The following SALL3 variants were observed in gnomAD, a reference collection of about 807,000 sequenced individuals.
SALL3 encodes spalt like transcription factor 3.
A neutral mutation model predicts 66.2 loss-of-function variants in SALL3; 25 were observed. The ratio of observed to expected loss-of-function variants is 0.38; its 90% confidence interval spans 0.28 to 0.53. The LOEUF is 0.53. Ranked by LOEUF, SALL3 falls within the 20% of genes least tolerant of loss-of-function variation. The probability of loss-of-function intolerance (pLI) is 0.85; values close to 1 mark genes in which losing one functional copy is unlikely to be tolerated. For synonymous variants in SALL3, 1,152 were observed against 899.1 expected, an observed-to-expected ratio of 1.28 and a Z score of -5.03; for missense variants, 2,194 against 1,916.5, an observed-to-expected ratio of 1.14 and a Z score of -2.70.
intron 1 of SALL3, among the ~76,000 whole-genome samples, chr18:78,985,515 A>G (rs1599173551): frequency 6.6e-6 from 1 of 152,166 alleles, no homozygotes; most frequent in Admixed American, 6.5e-5. Context: ...ACTGGCTTCA[A>G]CGACCCAGGG....
At chr18:78,995,840 C>T (rs1914677320) in intron 2 of SALL3, among the ~76,000 whole-genome samples, 1 of 152,080 alleles carries the variant, frequency 6.6e-6, no homozygotes, top group African/African-American at 2.4e-5. Flanking sequence ...CACACTGAGA[C>T]TACATCCTGT....
chr18:78,993,858 T>C lies in SALL3; in HGVS notation c.1867T>C (p.Ser623Pro), dbSNP rs767724791. The C allele has an allele frequency of 8.3e-6, 13 of 1,562,790 alleles. No individual in the cohort carries two copies. In the South Asian group the frequency reaches 1.4e-4, roughly 17 times the overall value. The part of the protein sequence containing the change: ...VGAQASAAPT[S>P]VDGAPTSLGS... ...CGCGCAGGCTAGCGCTGCACCCACA[T>C]CGGTGGACGGCGCACCCACGAGCCT... is the stretch of plus-strand genomic sequence containing the variant. Residue 623 changes from serine (S) to proline (P), a missense_variant, in exon 2 of 3, where the codon TCG (serine) becomes CCG (proline). Coordinates refer to ENST00000537592, the MANE Select transcript of SALL3 (RefSeq NM_171999.4).
At chr18:78,990,080 G>T (rs931708182) in intron 1 of SALL3, among the ~76,000 whole-genome samples, 2 of 152,018 alleles carry the variant, frequency 1.3e-5, no homozygotes, top group South Asian at 2.1e-4. Context: ...TTTGTTCTTT[G>T]CCCTATTCCA....
chr18:78,992,920 C>G lies in SALL3; in HGVS notation c.929C>G (p.Ala310Gly). Residue 310 changes from alanine (A) to glycine (G), a missense_variant, in exon 2 of 3, where the codon GCG becomes GGG. Transcript: ENST00000537592. ...CCCGGCGGCCCTGCGGAGCCCAGCG[C>G]GCCCGCCGCCCCCAGCGCCGCCCCT... ...STPGGPAEPS[A>G]PAAPSAAPAP... is the part of the protein sequence containing the mutation. The G allele has an allele frequency of 2.0e-6, 2 of 993,070 alleles. No homozygotes were observed. Among genetic ancestry groups the G allele is most frequent in the Non-Finnish European group, 2.4e-6 (2 of 836,698 alleles). 61.5% of individuals were successfully genotyped at this position (993,070 alleles called of 1,614,324 possible).
rs1031648689 is a variant in SALL3 at position 78,997,974 on chromosome 18, A to G, written c.*652A>G. On this transcript the variant is annotated 3_prime_UTR_variant, in exon 3 of 3. Transcript: ENST00000537592. ...AAATTGTGAAGTTCTGTTGGGAAAGATAGCATGCTTTTCGTGTGCAAGTAC... is the reference window on the plus strand; with the variant it reads ...AAATTGTGAAGTTCTGTTGGGAAAGGTAGCATGCTTTTCGTGTGCAAGTAC... 6.6e-6 allele frequency: 1 copy of G among 151,980 alleles called. No individual in the cohort carries two copies. The highest frequency in any genetic ancestry group is 1.5e-5 in the Non-Finnish European group (1 of 67,964). The allele number at this position is 151,980 out of a possible 1,614,324, so 9.4% of individuals were successfully genotyped here.
At chr18:78,995,499 CG>C in intron 2 of SALL3, 37 bp downstream of exon 2, 1 of 1,492,714 alleles carries the variant, frequency 6.7e-7, no homozygotes, top group Non-Finnish European at 8.8e-7. Flanking sequence ...GGCTGCGGTG[CG>C]GCCGAGCCAC....
Position 78,997,419 on chromosome 18 carries a change from C to T in SALL3, c.*97C>T. ...TGCCTCGGTTCTCATTACACTTTCACCCATAGCAGAAAACACTTTGTGCGG... is the reference window on the plus strand; with the variant it reads ...TGCCTCGGTTCTCATTACACTTTCATCCATAGCAGAAAACACTTTGTGCGG... On this transcript the variant is annotated 3_prime_UTR_variant, in exon 3 of 3. Coordinates refer to ENST00000537592, the MANE Select transcript of SALL3 (RefSeq NM_171999.4). The T allele has an allele frequency of 7.9e-7, 1 of 1,268,108 alleles. No individual in the cohort carries two copies. The allele number at this position is 1,268,108 out of a possible 1,614,324, so 78.6% of individuals were successfully genotyped here. A position where few individuals can be genotyped will look rare whatever the true frequency, so the allele number is the denominator to read the frequency against.
At position 78,980,316 on chromosome 18, in the gene SALL3, G is replaced by A; in HGVS notation, c.42G>A (p.Ser14=). The part of the protein sequence containing the change: ...RKQAKPQHLK[S]DEELLPPDGA... ...AGGCCAAGCCCCAGCACCTCAAGTC[G>A]GACGAGGAGCTGCTGCCGCCTGACG... The change falls in exon 1 of 3, where the codon TCG becomes TCA. Residue 14 remains serine, a synonymous_variant. Coordinates refer to ENST00000537592, the MANE Select transcript of SALL3 (RefSeq NM_171999.4). The A allele has an allele frequency of 1.4e-6, 2 of 1,437,750 alleles. No homozygotes were observed. Among genetic ancestry groups the A allele is most frequent in the Non-Finnish European group, 1.8e-6 (2 of 1,089,402 alleles). The allele number at this position is 1,437,750 out of a possible 1,614,324, so 89.1% of individuals were successfully genotyped here. A position where few individuals can be genotyped will look rare whatever the true frequency, so the allele number is the denominator to read the frequency against.
At chr18:78,981,680 A>T (rs1479785614) in intron 1 of SALL3, among the ~76,000 whole-genome samples, 1 of 152,226 alleles carries the variant, frequency 6.6e-6, no homozygotes, top group Non-Finnish European at 1.5e-5. Flanking sequence ...CAAGTCAGCC[A>T]AGATGAGAAC....
In SALL3 at chr18:78,997,436, T is replaced by C; in HGVS notation, c.*114T>C. The C allele has an allele frequency of 9.3e-7, 1 of 1,077,992 alleles. No individual in the cohort carries two copies. The highest frequency in any genetic ancestry group is 1.4e-6 in the Non-Finnish European group (1 of 738,916). 66.8% of individuals were successfully genotyped at this position (1,077,992 alleles called of 1,614,324 possible). A position where few individuals can be genotyped will look rare whatever the true frequency, so the allele number is the denominator to read the frequency against. ...CACTTTCACCCATAGCAGAAAACAC[T>C]TTGTGCGGCTGCCGAGAGGTGGTCT... On this transcript the variant is annotated 3_prime_UTR_variant, in exon 3 of 3. Coordinates refer to ENST00000537592, the MANE Select transcript of SALL3 (RefSeq NM_171999.4).
At chr18:78,984,597 A>G (rs1325577838) in intron 1 of SALL3, among the ~76,000 whole-genome samples, 1 of 152,024 alleles carries the variant, frequency 6.6e-6, no homozygotes, top group East Asian at 1.9e-4. Context: ...AAAATTGAGC[A>G]ATTTAATGTT....
In SALL3 at chr18:78,993,498, C is replaced by T. The variant is rs200189990; in HGVS notation, c.1507C>T (p.Leu503=). The T allele has an allele frequency of 1.7e-4, 281 of 1,607,036 alleles. No individual in the cohort carries two copies. Among genetic ancestry groups the T allele is most frequent in the Non-Finnish European group, 2.3e-4 (268 of 1,177,772 alleles). The stretch of plus-strand genomic sequence containing the variant: ...CTCGGGCATCCCCTACGGCATGTCG[C>T]TGCCCCCCGAGAAGCCCGTGACCAC... ...TCSGIPYGMS[L]PPEKPVTTWL... The change falls in exon 2 of 3, where the codon CTG becomes TTG. Residue 503 remains leucine, a synonymous_variant. Transcript: ENST00000537592.
At position 78,992,411 on chromosome 18, in the gene SALL3, G is replaced by T; in HGVS notation, c.420G>T (p.Gly140=). Residue 140 remains glycine (G), a synonymous_variant, in exon 2 of 3, where the codon GGG becomes GGT. Transcript: ENST00000537592. ...EAEPMDAEPA[G]DTRAPRPPPA... ...AGCCCATGGACGCGGAACCCGCGGGGGACACGCGCGCGCCCCGGCCCCCGC... is the reference window on the plus strand; with the variant it reads ...AGCCCATGGACGCGGAACCCGCGGGTGACACGCGCGCGCCCCGGCCCCCGC... The T allele has an allele frequency of 7.5e-7, 1 of 1,329,968 alleles. No homozygotes were observed. The highest frequency in any genetic ancestry group is 9.5e-7 in the Non-Finnish European group (1 of 1,048,020). The allele number at this position is 1,329,968 out of a possible 1,614,324, so 82.4% of individuals were successfully genotyped here. A position where few individuals can be genotyped will look rare whatever the true frequency, so the allele number is the denominator to read the frequency against.
chr18:78,986,924 A>C lies in SALL3; in HGVS notation c.83-5150A>C, dbSNP rs73500114. 6.3e-3 allele frequency among the ~76,000 whole-genome samples: 964 copies of C among 152,332 alleles called. 10 individuals are homozygous for C. Among genetic ancestry groups the C allele is most frequent in the African/African-American group, 0.022 (915 of 41,572 alleles). On this transcript the variant is annotated intron_variant, in intron 1 of 2. Transcript: ENST00000537592. Reference sequence around the variant, plus strand: ...TTGAAATGCCAAGAACTGTAGCTTGAAATTTTTGAAGAAAGCATCGTCTTA... The same window carrying C: ...TTGAAATGCCAAGAACTGTAGCTTGCAATTTTTGAAGAAAGCATCGTCTTA...
chr18:78,995,012 C>A lies in SALL3; in HGVS notation c.3021C>A (p.Cys1007Ter), dbSNP rs1341963590. ...ATACTAAGGAGCGGCCATTCGTCTG[C>A]GCGCTCTGCAGGCGAGGGTGCTCCA... ...RSHTKERPFV[C>*]ALCRRGCSTM... The change falls in exon 2 of 3, where the codon TGC becomes TGA. Residue 1007 changes from cysteine to a stop codon, truncating the protein, a stop_gained. Coordinates refer to ENST00000537592, the MANE Select transcript of SALL3 (RefSeq NM_171999.4). LOFTEE classifies it high-confidence loss of function. 1 of 1,613,768 alleles carries A rather than the reference C, an allele frequency of 6.2e-7. No individual in the cohort carries two copies. Among genetic ancestry groups the A allele is most frequent in the African/African-American group, 1.3e-5 (1 of 74,950 alleles).
In SALL3 at chr18:78,997,560, G is replaced by T. The variant is rs1914743153; in HGVS notation, c.*238G>T. 3.8e-6 allele frequency: 2 copies of T among 532,554 alleles called. No individual in the cohort carries two copies. The highest frequency in any genetic ancestry group is 6.6e-6 in the Non-Finnish European group (2 of 303,534). The allele number at this position is 532,554 out of a possible 1,614,324, so 33.0% of individuals were successfully genotyped here. A position where few individuals can be genotyped will look rare whatever the true frequency, so the allele number is the denominator to read the frequency against. ...GCTTCCTTCAAAAAAAAAAGTGCTT[G>T]GAAAACCGCCTTAGGAACAGAAAGA... On this transcript the variant is annotated 3_prime_UTR_variant, in exon 3 of 3. Transcript: ENST00000537592.
At position 78,997,346 on chromosome 18, in the gene SALL3, G is replaced by T; in HGVS notation, c.*24G>T. On this transcript the variant is annotated 3_prime_UTR_variant, in exon 3 of 3. Coordinates refer to ENST00000537592, the MANE Select transcript of SALL3 (RefSeq NM_171999.4). ...AGCCAGTGACTCGCTCATCTGCCCT[G>T]CCCAGGCCCACGTTTTGAAGTTGGA... The T allele has an allele frequency of 6.3e-7, 1 of 1,594,590 alleles. No homozygotes were observed. Among genetic ancestry groups the T allele is most frequent in the Non-Finnish European group, 8.6e-7 (1 of 1,166,998 alleles).
rs1401176611 is a variant in SALL3, at chr18:78,992,937, G to A, written c.946G>A (p.Ala316Thr). ...AEPSAPAAPS[A>T]APAPAAPAPA... ...GCCCAGCGCGCCCGCCGCCCCCAGC[G>A]CCGCCCCTGCCCCCGCTGCCCCCGC... The change falls in exon 2 of 3, where the codon GCC (alanine) becomes ACC (threonine). Residue 316 changes from alanine to threonine, a missense_variant. Transcript: ENST00000537592. 2.9e-6 allele frequency: 3 copies of A among 1,045,096 alleles called. No individual in the cohort carries two copies. In the African/African-American group the frequency reaches 5.2e-5, roughly 18 times the overall value. 64.7% of individuals were successfully genotyped at this position (1,045,096 alleles called of 1,614,324 possible). A position where few individuals can be genotyped will look rare whatever the true frequency, so the allele number is the denominator to read the frequency against.
chr18:78,991,223 A>C (rs1456242914), intron 1 of SALL3, among the ~76,000 whole-genome samples: 1 of 152,220 alleles, frequency 6.6e-6, no homozygotes, highest in Non-Finnish European at 1.5e-5. Flanking sequence ...CTATTGGCTA[A>C]TAACAGTAAC....
Sources: gnomAD v4.1 joint callset for allele counts (sites outside exome capture counted in the v4.1 genomes callset) on GRCh38, gnomAD v4.1.1 for gene constraint, MANE v1.5 for transcripts, NCBI Gene and HGNC (gene_info 2026-07-23, HGNC 2026-07-21) for gene names.